SLC5A1: variants seen among roughly 807,000 people sequenced by gnomAD.
SLC5A1 encodes the protein solute carrier family 5 member 1.
A neutral mutation model predicts 73.5 loss-of-function variants in SLC5A1; 42 were observed. The observed-to-expected ratio is 0.57, with a 90% confidence interval of 0.45 to 0.74. SLC5A1 has a LOEUF of 0.74. Among genes scored for constraint, SLC5A1 ranks in the 30% least tolerant of loss-of-function variants. The pLI, the probability that SLC5A1 is intolerant of heterozygous loss-of-function variation, is 0.00. For synonymous variants in SLC5A1, 300 were observed against 317.4 expected, an observed-to-expected ratio of 0.95 and a Z score of 0.58; for missense variants, 634 against 855.4, an observed-to-expected ratio of 0.74 and a Z score of 3.23.
chr22:32,104,809 G>T lies in SLC5A1; in HGVS notation c.1689G>T (p.Leu563=), dbSNP rs780933010. Residue 563 remains leucine, a synonymous_variant, in exon 14 of 15, where the codon CTG becomes CTT. Coordinates refer to ENST00000266088, the MANE Select transcript of SLC5A1 (RefSeq NM_000343.4). ...DVHLYRLCWS[L]RNSKEERIDL... Reference sequence around the variant, plus strand: ...AGCTCTACCGTCTGTGTTGGAGCCTGCGCAACAGCAAAGAGGAGCGTATTG... The same window carrying T: ...AGCTCTACCGTCTGTGTTGGAGCCTTCGCAACAGCAAAGAGGAGCGTATTG... The T allele has an allele frequency of 3.7e-6, 6 of 1,614,096 alleles. No homozygotes were observed. The highest frequency in any genetic ancestry group is 5.1e-6 in the Non-Finnish European group (6 of 1,179,998).
In SLC5A1 at chr22:32,043,297, TG is replaced by T. The variant is rs1220796715; in HGVS notation, c.18del (p.Trp6Ter). 1 of 1,613,924 alleles carries T rather than the reference TG, an allele frequency of 6.2e-7. No individual in the cohort carries two copies. Among genetic ancestry groups the T allele is most frequent in the Non-Finnish European group, 8.5e-7 (1 of 1,180,022 alleles). On this transcript the variant is annotated frameshift_variant, in exon 1 of 15. Coordinates refer to ENST00000266088, the MANE Select transcript of SLC5A1 (RefSeq NM_000343.4). LOFTEE classifies it high-confidence loss of function. The surrounding 1 kb of genome is among the most constrained non-coding windows in gnomAD (Gnocchi z 6.5). ...CGCTGCCACCATGGACAGTAGCACC[TG>T]GAGCCCCAAGACCACCGCGGTCACC... is the stretch of plus-strand genomic sequence containing the variant. MDSST[W>X]SPKTTAVTRP... is the part of the protein sequence containing the mutation.
chr22:32,077,264 TCTC>T (rs368709348), intron 5 of SLC5A1, among the ~76,000 whole-genome samples: 161 of 146,278 alleles, frequency 1.1e-3, no homozygotes, highest in South Asian at 2.3e-3. Flanking sequence ...TCCCTCCTTC[TCTC>T]CTTTCTTTCT....
At chr22:32,092,106 G>A (rs891971715) in intron 11 of SLC5A1, among the ~76,000 whole-genome samples, 73 of 151,624 alleles carry the variant, frequency 4.8e-4, no homozygotes, top group African/African-American at 1.5e-3. Flanking sequence ...CCTCCCACCC[G>A]TTTCCCGTGA....
chr22:32,044,825 T>A (rs1047317621), intron 1 of SLC5A1, among the ~76,000 whole-genome samples: 2 of 152,182 alleles, frequency 1.3e-5, no homozygotes, highest in African/African-American at 4.8e-5. Flanking sequence ...TGAAAGCTGT[T>A]TATGGACTCT....
Position 32,053,516 on chromosome 22 carries a change from C to T in SLC5A1, c.207+3502C>T, listed in dbSNP as rs180904383. On this transcript the variant is annotated intron_variant, in intron 2 of 14. Transcript: ENST00000266088. ...AGCTTCTCTGATTAATACACAACCA[C>T]TCACCACTCCATGTATTCTTGGTGT... Among the ~76,000 whole-genome samples, 7 of 152,210 alleles carry T rather than the reference C, an allele frequency of 4.6e-5. No homozygotes were observed. The East Asian group carries it at 5.8e-4, about 13-fold the overall frequency.
intron 11 of SLC5A1, among the ~76,000 whole-genome samples, chr22:32,097,168 T>C (rs1012417201): frequency 2.0e-5 from 3 of 152,258 alleles, no homozygotes; most frequent in Non-Finnish European, 4.4e-5. Context: ...CCCTGGGGCT[T>C]GTCCCAGTCC....
chr22:32,081,824 T>C (rs1213712459), intron 5 of SLC5A1, 42 bp from the exon 6 acceptor site: 6 of 1,313,594 alleles, frequency 4.6e-6, no homozygotes, highest in African/African-American at 2.9e-5. Context: ...TGTAGGCAGC[T>C]GACCACTCTC....
chr22:32,051,658 A>G (rs1449645824), intron 2 of SLC5A1, among the ~76,000 whole-genome samples: 1 of 152,046 alleles, frequency 6.6e-6, no homozygotes, highest in East Asian at 1.9e-4. Flanking sequence ...CCTGTTTCAA[A>G]CAACAACAAC....
intron 5 of SLC5A1, among the ~76,000 whole-genome samples, chr22:32,069,076 C>T (rs543692385): frequency 8.5e-5 from 13 of 152,180 alleles, no homozygotes; most frequent in South Asian, 6.2e-4. Flanking sequence ...GAATACCACT[C>T]GGCCTTAAAA....
chr22:32,084,517 A>T lies in SLC5A1; in HGVS notation c.743A>T (p.Asn248Ile). The change falls in exon 8 of 15, where the codon AAC becomes ATC. Residue 248 changes from asparagine to isoleucine, a missense_variant. By Grantham distance (149) the Asn-to-Ile change is moderately radical (BLOSUM62 -3). Around this residue, in one of 3 missense-constraint regions of SLC5A1, gnomAD observed 422 missense variants for 626.1 expected, o/e 0.67. Coordinates refer to ENST00000266088, the MANE Select transcript of SLC5A1 (RefSeq NM_000343.4). Reference protein sequence around the residue: ...KAIPTIVSDGNTTFQEKCYTP... With the variant: ...KAIPTIVSDGITTFQEKCYTP... ...ATTCCAACCATAGTGTCTGATGGCA[A>T]CACCACCTTTCAGGAAAAATGCTAC... 1.2e-6 allele frequency: 2 copies of T among 1,614,234 alleles called. No homozygotes were observed. Among genetic ancestry groups the T allele is most frequent in the South Asian group, 1.1e-5 (1 of 91,090 alleles).
rs751730186 is a variant in SLC5A1, at chr22:32,091,807, G to A, written c.1280+45G>A. On this transcript the variant is annotated intron_variant, in intron 11 of 14. Coordinates refer to ENST00000266088, the MANE Select transcript of SLC5A1 (RefSeq NM_000343.4). ...AGCCACAAAAGCTTGAATGATCAGAGAGGTTCCATCTGTGTTACCCCTCAA... is the reference window on the plus strand; with the variant it reads ...AGCCACAAAAGCTTGAATGATCAGAAAGGTTCCATCTGTGTTACCCCTCAA... The A allele has an allele frequency of 9.3e-6, 15 of 1,606,922 alleles. No individual in the cohort carries two copies. The East Asian group carries it at 2.5e-4, about 26-fold the overall frequency.
chr22:32,089,473 G>A (rs1245771302), intron 10 of SLC5A1, among the ~76,000 whole-genome samples: 1 of 152,136 alleles, frequency 6.6e-6, no homozygotes, highest in Non-Finnish European at 1.5e-5. Flanking sequence ...AAGTTTAATA[G>A]AGGTATAAGT....
intron 2 of SLC5A1, among the ~76,000 whole-genome samples, chr22:32,062,929 T>C (rs1455984020): frequency 6.6e-6 from 1 of 152,154 alleles, no homozygotes; most frequent in Non-Finnish European, 1.5e-5. Flanking sequence ...AATTTTCTCA[T>C]AGTTCTAGAA....
intron 11 of SLC5A1, among the ~76,000 whole-genome samples, chr22:32,096,367 G>A (rs955371816): frequency 3.3e-5 from 5 of 152,130 alleles, no homozygotes. Context: ...AGACAGGACT[G>A]GAATCTGCAG....
At chr22:32,075,965 G>A (rs1050856305) in intron 5 of SLC5A1, among the ~76,000 whole-genome samples, 2 of 152,232 alleles carry the variant, frequency 1.3e-5, no homozygotes, top group Admixed American at 6.5e-5. Flanking sequence ...ACAAAATACG[G>A]TGATAAGGCA....
intron 10 of SLC5A1, among the ~76,000 whole-genome samples, chr22:32,089,975 T>C (rs1289533282): frequency 6.6e-6 from 1 of 152,096 alleles, no homozygotes; most frequent in Non-Finnish European, 1.5e-5. Context: ...GTATTCCTAT[T>C]TGGGAAGGTG....
intron 6 of SLC5A1, among the ~76,000 whole-genome samples, chr22:32,082,391 T>C (rs919828468): frequency 2.0e-5 from 3 of 152,078 alleles, no homozygotes; most frequent in Admixed American, 1.3e-4. Context: ...TATAGCTTGA[T>C]AGTTCAGATG....
In SLC5A1 at chr22:32,099,100, AAAAAAAT is replaced by A. The variant is rs1367565648; in HGVS notation, c.1281-81_1281-75del. The stretch of plus-strand genomic sequence containing the variant: ...ACTCTGTCTCAAAAAAAAAAAAAAA[AAAAAAAT>A]ATATATATATATATATATATATATA... On this transcript the variant is annotated intron_variant, in intron 11 of 14. Coordinates refer to ENST00000266088, the MANE Select transcript of SLC5A1 (RefSeq NM_000343.4). 123 of 158,284 alleles carry A rather than the reference AAAAAAAT, an allele frequency of 7.8e-4. No individual in the cohort carries two copies. The Middle Eastern group carries it at 8.3e-3, about 11-fold the overall frequency. 9.8% of individuals were successfully genotyped at this position (158,284 alleles called of 1,614,324 possible). A position where few individuals can be genotyped will look rare whatever the true frequency, so the allele number is the denominator to read the frequency against.
chr22:32,078,968 A>C (rs1603124426), intron 5 of SLC5A1, among the ~76,000 whole-genome samples: 1 of 28,458 alleles, frequency 3.5e-5, no homozygotes, highest in African/African-American at 6.1e-5. Flanking sequence ...AAAAAAAAAA[A>C]AAAAAAAAAA....
Sources: gnomAD v4.1 joint callset for allele counts (sites outside exome capture counted in the v4.1 genomes callset) on GRCh38, gnomAD v4.1.1 for gene constraint, gnomAD v4.1.1 regional missense constraint, Gnocchi (gnomAD v3.1) non-coding constraint, MANE v1.5 for transcripts, NCBI Gene and HGNC (gene_info 2026-07-23, HGNC 2026-07-21) for gene names.